Variants in USH2A observed in about 807,000 individuals in gnomAD.
USH2A encodes usherin.
In USH2A, 443 loss-of-function variants were observed where a neutral mutation model predicts 538.9. That is an observed-to-expected ratio of 0.82 (90% CI 0.76 to 0.89). The LOEUF is 0.89. USH2A is among the 40% of genes least tolerant of loss of function. USH2A has a pLI of 0.00. For missense variants in USH2A, 6,633 were observed against 6,324.8 expected, an observed-to-expected ratio of 1.05 and a Z score of -1.65; for synonymous variants, 2,413 against 2,273.5, an observed-to-expected ratio of 1.06 and a Z score of -1.75.
At chr1:215,938,742 T>C (rs375733876) in intron 37 of USH2A, among the ~76,000 whole-genome samples, 19 of 152,274 alleles carry the variant, frequency 1.2e-4, no homozygotes, top group Admixed American at 8.5e-4. Flanking sequence ...GAAGTTGAGT[T>C]GCCCTCCTCC....
At chr1:215,807,539 G>A (rs1436845664) in intron 49 of USH2A, among the ~76,000 whole-genome samples, 1 of 152,064 alleles carries the variant, frequency 6.6e-6, no homozygotes, top group Admixed American at 6.6e-5. Context: ...AGAACAAAAT[G>A]CTTTTTCTAG....
intron 61 of USH2A, among the ~76,000 whole-genome samples, chr1:215,693,917 A>T (rs1658707000): frequency 1.3e-5 from 2 of 152,212 alleles, no homozygotes; most frequent in Non-Finnish European, 2.9e-5. Context: ...TCCCACTTTA[A>T]TTGGCAGCTC....
chr1:216,340,466 A>C lies in USH2A; in HGVS notation c.785-12812T>G, dbSNP rs1345837834. Reference sequence around the variant, plus strand: ...AAACTATTCCAAAAAATTGAAAACGAGGAATTCCTCCCTAACTCATTTTAT... The same window carrying C: ...AAACTATTCCAAAAAATTGAAAACGCGGAATTCCTCCCTAACTCATTTTAT... On this transcript the variant is annotated intron_variant, in intron 4 of 71. Transcript: ENST00000307340. Among the ~76,000 whole-genome samples the C allele has an allele frequency of 2.6e-5, 4 of 151,666 alleles. No homozygotes were observed. In the South Asian group the frequency reaches 8.3e-4, roughly 32 times the overall value.
chr1:216,275,200 T>C (rs1027055355), intron 11 of USH2A, among the ~76,000 whole-genome samples: 3 of 152,054 alleles, frequency 2.0e-5, no homozygotes, highest in Non-Finnish European at 4.4e-5. Context: ...TAAGCTATAA[T>C]GTGTAAAAGA....
chr1:215,806,484 A>G (rs184907522), intron 49 of USH2A, among the ~76,000 whole-genome samples: 29 of 152,170 alleles, frequency 1.9e-4, no homozygotes, highest in East Asian at 3.9e-4. Context: ...TCTGGGGCAA[A>G]AACTGCTCAG....
At chr1:216,114,516 T>C (rs995361610) in intron 21 of USH2A, among the ~76,000 whole-genome samples, 24 of 152,184 alleles carry the variant, frequency 1.6e-4, no homozygotes, top group African/African-American at 5.8e-4. Context: ...ACTATGTTTC[T>C]AGTTCATTTT....
chr1:216,156,431 G>C (rs889670470), intron 21 of USH2A, among the ~76,000 whole-genome samples: 3 of 150,956 alleles, frequency 2.0e-5, no homozygotes, highest in African/African-American at 7.3e-5. Flanking sequence ...GACTTTGCAG[G>C]CTTGAAACAT....
At chr1:216,198,025 A>C (rs2102463225) in intron 18 of USH2A, among the ~76,000 whole-genome samples, 1 of 152,278 alleles carries the variant, frequency 6.6e-6, no homozygotes, top group Admixed American at 6.5e-5. Flanking sequence ...TGGAAACCAA[A>C]TGCTATTTTT....
In USH2A at chr1:216,294,106, G is replaced by T. The variant is rs542796878; in HGVS notation, c.1645-1736C>A. 3.9e-5 allele frequency among the ~76,000 whole-genome samples: 6 copies of T among 152,092 alleles called. No individual in the cohort carries two copies. The South Asian group carries it at 1.0e-3, about 26-fold the overall frequency. On this transcript the variant is annotated intron_variant, in intron 9 of 71. Coordinates refer to ENST00000307340, the MANE Select transcript of USH2A (RefSeq NM_206933.4). ...GTACTGGAACAAATAAAAAAACCTGGATATATGTTTTATAATTAATTATTT... is the reference window on the plus strand; with the variant it reads ...GTACTGGAACAAATAAAAAAACCTGTATATATGTTTTATAATTAATTATTT...
At chr1:215,720,125 C>A (rs947304081) in intron 61 of USH2A, among the ~76,000 whole-genome samples, 4 of 152,136 alleles carry the variant, frequency 2.6e-5, no homozygotes, top group African/African-American at 9.7e-5. Context: ...CAAGATCCAT[C>A]TTCCTATGAA....
chr1:215,816,824 T>A (rs1186978503), intron 48 of USH2A, among the ~76,000 whole-genome samples, 173 bp downstream of exon 48: 2 of 152,068 alleles, frequency 1.3e-5, no homozygotes, highest in Admixed American at 1.3e-4. Context: ...AAGGCTAAAG[T>A]GCTCATGAGG....
chr1:216,284,916 C>T (rs1436707935), intron 11 of USH2A, among the ~76,000 whole-genome samples: 1 of 151,956 alleles, frequency 6.6e-6, no homozygotes, highest in Non-Finnish European at 1.5e-5. Context: ...GCATTTTGCC[C>T]CTCCCCTGGA....
chr1:215,629,525 A>G (rs1041904836), intron 70 of USH2A, among the ~76,000 whole-genome samples: 2 of 152,210 alleles, frequency 1.3e-5, no homozygotes, highest in Non-Finnish European at 2.9e-5. Context: ...TTTCACTTTA[A>G]AAGTCCTGGA....
In USH2A at chr1:215,870,828, T is replaced by C. The variant is rs1319061141; in HGVS notation, c.8682-3658A>G. Among the ~76,000 whole-genome samples the C allele has an allele frequency of 5.9e-5, 9 of 152,152 alleles. No individual in the cohort carries two copies. The South Asian group carries it at 1.7e-3, about 28-fold the overall frequency. On this transcript the variant is annotated intron_variant, in intron 43 of 71. Transcript: ENST00000307340. The stretch of plus-strand genomic sequence containing the variant: ...AATGGACTTACGTGTTGATTGTTGA[T>C]ATTAAATGGGACATTCCATTTAATA...
intron 32 of USH2A, among the ~76,000 whole-genome samples, chr1:216,030,737 G>T (rs1193698777): frequency 5.3e-5 from 8 of 150,596 alleles, no homozygotes; most frequent in Non-Finnish European, 1.2e-4. Context: ...TGGGGTGAGT[G>T]AAAAAGAAGT....
intron 11 of USH2A, among the ~76,000 whole-genome samples, chr1:216,262,453 C>A (rs2036392677): frequency 6.6e-6 from 1 of 151,738 alleles, no homozygotes; most frequent in Non-Finnish European, 1.5e-5. Context: ...GTTTTGACAA[C>A]AGGCTAGATC....
intron 32 of USH2A, among the ~76,000 whole-genome samples, chr1:216,008,952 TG>T (rs138330938): frequency 1.3e-5 from 2 of 151,972 alleles, no homozygotes; most frequent in Non-Finnish European, 2.9e-5. Flanking sequence ...TCTGCCTTTC[TG>T]GGGGGCAAGA....
intron 4 of USH2A, among the ~76,000 whole-genome samples, chr1:216,329,202 G>A (rs1449508584): frequency 2.0e-5 from 3 of 152,138 alleles, no homozygotes; most frequent in Non-Finnish European, 4.4e-5. Context: ...ATCTTTAGAA[G>A]ATTTCCAACA....
chr1:216,018,127 G>T (rs1668760853), intron 32 of USH2A, among the ~76,000 whole-genome samples: 1 of 151,980 alleles, frequency 6.6e-6, no homozygotes, highest in Non-Finnish European at 1.5e-5. Context: ...CTGTATTATT[G>T]GGTACATTCT....
Sources: allele counts gnomAD v4.1 joint callset (sites outside exome capture counted in the v4.1 genomes callset), GRCh38; gene constraint gnomAD v4.1.1; transcripts MANE v1.5; gene names NCBI Gene and HGNC (gene_info 2026-07-23, HGNC 2026-07-21).